The following PLA2G4A variants were observed in gnomAD, a reference collection of about 807,000 sequenced individuals.
PLA2G4A encodes cytosolic phospholipase A2.
Under a neutral mutation model 81.9 loss-of-function variants are expected in PLA2G4A, and 40 were observed. The observed-to-expected ratio is 0.49, with a 90% CI of 0.38 to 0.64. PLA2G4A has a LOEUF of 0.64. Ranked by LOEUF, PLA2G4A falls within the 30% of genes least tolerant of loss-of-function variation. The pLI, the probability that PLA2G4A is intolerant of heterozygous loss-of-function variation, is 0.00. For synonymous variants in PLA2G4A, 302 were observed against 296.9 expected, an observed-to-expected ratio of 1.02 and a Z score of -0.18; for missense variants, 715 against 905.1, an observed-to-expected ratio of 0.79 and a Z score of 2.69.
intron 13 of PLA2G4A, among the ~76,000 whole-genome samples, chr1:186,951,059 A>T (rs1273376212): frequency 5.3e-5 from 8 of 152,170 alleles, no homozygotes; most frequent in Non-Finnish European, 1.2e-4. Context: ...ATTTGGGAAC[A>T]TTTTTAGATG....
intron 1 of PLA2G4A, among the ~76,000 whole-genome samples, chr1:186,835,918 G>T (rs1021481058): frequency 6.6e-6 from 1 of 152,066 alleles, no homozygotes; most frequent in Admixed American, 6.6e-5. Context: ...TTTTGAGCTG[G>T]TGACAACCAG....
chr1:186,915,842 CG>C (rs1156557232), intron 7 of PLA2G4A, among the ~76,000 whole-genome samples: 1 of 152,076 alleles, frequency 6.6e-6, no homozygotes, highest in Non-Finnish European at 1.5e-5. Flanking sequence ...AGTCATCCTA[CG>C]GGGTGAGTGA....
intron 3 of PLA2G4A, among the ~76,000 whole-genome samples, chr1:186,872,951 T>C (rs10911938): frequency 0.13 from 19,114 of 152,014 alleles, 1,815 homozygotes; most frequent in East Asian, 0.45. Flanking sequence ...AAGGACAGTG[T>C]TATGGCATTC....
At chr1:186,892,708 T>C (rs1038085703) in intron 3 of PLA2G4A, among the ~76,000 whole-genome samples, 1 of 152,224 alleles carries the variant, frequency 6.6e-6, no homozygotes, top group East Asian at 1.9e-4. Context: ...GTTATCATCC[T>C]GTAGTAGCTT....
At chr1:186,897,784 C>T (rs1445561640) in intron 5 of PLA2G4A, among the ~76,000 whole-genome samples, 1 of 152,192 alleles carries the variant, frequency 6.6e-6, no homozygotes, top group Non-Finnish European at 1.5e-5. Flanking sequence ...GCTGGGATTG[C>T]AGGCGTGAGC....
chr1:186,854,300 A>T lies in PLA2G4A; in HGVS notation c.-55A>T. 9.9e-7 allele frequency: 1 copy of T among 1,009,162 alleles called. No individual in the cohort carries two copies. The highest frequency in any genetic ancestry group is 2.4e-5 in the East Asian group (1 of 42,056). The allele number at this position is 1,009,162 out of a possible 1,614,324, so 62.5% of individuals were successfully genotyped here. Reference sequence around the variant, plus strand: ...TTATTTTGTAGGTTTTAAAGACGCTAGAGTGCCAAAGAAGACTTTGAAGTG... The same window carrying T: ...TTATTTTGTAGGTTTTAAAGACGCTTGAGTGCCAAAGAAGACTTTGAAGTG... On this transcript the variant is annotated 5_prime_UTR_variant, in exon 2 of 18. Coordinates refer to ENST00000367466, the MANE Select transcript of PLA2G4A (RefSeq NM_024420.3).
chr1:186,905,159 A>G (rs1571386217), intron 5 of PLA2G4A, among the ~76,000 whole-genome samples: 1 of 152,154 alleles, frequency 6.6e-6, no homozygotes, highest in African/African-American at 2.4e-5. Flanking sequence ...CCAGCCAAAC[A>G]TTGGATATGT....
intron 6 of PLA2G4A, among the ~76,000 whole-genome samples, chr1:186,910,427 T>G (rs935025665): frequency 4.6e-5 from 7 of 152,184 alleles, no homozygotes; most frequent in African/African-American, 1.7e-4. Flanking sequence ...TAGACTTCAG[T>G]ATTAAGATAT....
In PLA2G4A at chr1:186,950,029, A is replaced by G. The variant is rs186225242; in HGVS notation, c.1265-628A>G. 1.0e-3 allele frequency among the ~76,000 whole-genome samples: 152 copies of G among 152,274 alleles called. 1 individual carries two copies. The highest frequency in any genetic ancestry group is 1.9e-4 in the Non-Finnish European group (13 of 68,010). On this transcript the variant is annotated intron_variant, in intron 12 of 17. Coordinates refer to ENST00000367466, the MANE Select transcript of PLA2G4A (RefSeq NM_024420.3). ...CAGCCTGGGTAACCATTTAAAAAAC[A>G]TAAAGAAGAAAGATAACTAGTTATT...
At chr1:186,869,656 TAAGC>T (rs1653168629) in intron 2 of PLA2G4A, among the ~76,000 whole-genome samples, 1 of 152,162 alleles carries the variant, frequency 6.6e-6, no homozygotes, top group Non-Finnish European at 1.5e-5. Flanking sequence ...TTCAACCAGT[TAAGC>T]AAGCCTACTA....
chr1:186,900,102 A>C (rs1654483528), intron 5 of PLA2G4A, among the ~76,000 whole-genome samples: 1 of 152,154 alleles, frequency 6.6e-6, no homozygotes, highest in Non-Finnish European at 1.5e-5. Context: ...AAAATTTAGA[A>C]CATCAGAGTT....
chr1:186,926,536 T>A (rs561867021), intron 7 of PLA2G4A, among the ~76,000 whole-genome samples: 1 of 152,326 alleles, frequency 6.6e-6, no homozygotes, highest in East Asian at 1.9e-4. Context: ...ACATCCTTTG[T>A]CCCCTATCAA....
chr1:186,846,701 T>C (rs568780237), intron 1 of PLA2G4A, among the ~76,000 whole-genome samples: 13 of 152,338 alleles, frequency 8.5e-5, no homozygotes, highest in African/African-American at 2.9e-4. Flanking sequence ...TTTAATGTTA[T>C]TGGAAGCATG....
At chr1:186,927,907 C>A (rs1655606543) in intron 7 of PLA2G4A, among the ~76,000 whole-genome samples, 1 of 152,164 alleles carries the variant, frequency 6.6e-6, no homozygotes, top group Non-Finnish European at 1.5e-5. Context: ...TCGCCTCTTT[C>A]CACCTTCATT....
At chr1:186,975,247 A>G (rs1657490635) in intron 15 of PLA2G4A, among the ~76,000 whole-genome samples, 2 of 152,256 alleles carry the variant, frequency 1.3e-5, no homozygotes, top group African/African-American at 4.8e-5. Flanking sequence ...GTTTCAAACA[A>G]GAAATTATTT....
chr1:186,929,591 G>C (rs778754858), intron 7 of PLA2G4A, among the ~76,000 whole-genome samples: 7 of 151,996 alleles, frequency 4.6e-5, no homozygotes, highest in Non-Finnish European at 7.4e-5. Context: ...CTTGGCCTTA[G>C]GACACAGCAT....
chr1:186,890,182 G>A (rs982530302), intron 3 of PLA2G4A, among the ~76,000 whole-genome samples: 3 of 152,250 alleles, frequency 2.0e-5, no homozygotes, highest in South Asian at 2.1e-4. Context: ...CCTGTTAAAC[G>A]GGAAAGTCAA....
intron 1 of PLA2G4A, among the ~76,000 whole-genome samples, chr1:186,853,072 G>T (rs979052126): frequency 2.0e-5 from 3 of 151,710 alleles, no homozygotes; most frequent in Admixed American, 1.3e-4. Flanking sequence ...TTTCTTGTTG[G>T]TACAAATAAT....
At chr1:186,870,607 T>G in intron 3 of PLA2G4A, 91 bp downstream of exon 3, 1 of 1,163,652 alleles carries the variant, frequency 8.6e-7, no homozygotes, top group South Asian at 1.3e-5. Context: ...AGGTTCTGCC[T>G]TCTTCAAATG....
Sources: allele counts gnomAD v4.1 joint callset (sites outside exome capture counted in the v4.1 genomes callset), GRCh38; gene constraint gnomAD v4.1.1; transcripts MANE v1.5; gene names NCBI Gene and HGNC (gene_info 2026-07-23, HGNC 2026-07-21).